CTNNA1: variants seen among roughly 807,000 people sequenced by gnomAD.
CTNNA1 encodes catenin alpha-1.
Under a neutral mutation model 98.4 loss-of-function variants are expected in CTNNA1, and 37 were observed. The observed-to-expected ratio is 0.38, with a 90% confidence interval of 0.29 to 0.49. The LOEUF is 0.49. Ranked by LOEUF, CTNNA1 falls within the 20% of genes least tolerant of loss-of-function variation. The probability of loss-of-function intolerance (pLI) is 0.95; values close to 1 mark genes in which losing one functional copy is unlikely to be tolerated. For synonymous variants in CTNNA1, 404 were observed against 413.2 expected, an observed-to-expected ratio of 0.98 and a Z score of 0.27; for missense variants, 761 against 1,147.2, an observed-to-expected ratio of 0.66 and a Z score of 4.86.
At chr5:138,799,824 G>A (rs1403565710) in intron 3 of CTNNA1, among the ~76,000 whole-genome samples, 2 of 151,874 alleles carry the variant, frequency 1.3e-5, no homozygotes, top group African/African-American at 2.4e-5. Flanking sequence ...TTGTCATTAG[G>A]GCTGTGAGCT....
intron 1 of CTNNA1, 185 bp downstream of exon 1, chr5:138,753,695 G>A (rs939747644): frequency 6.0e-6 from 2 of 331,954 alleles, no homozygotes; most frequent in Non-Finnish European, 5.5e-6. Flanking sequence ...TCGGGCCGGC[G>A]GTCCCTTCCC....
intron 10 of CTNNA1, among the ~76,000 whole-genome samples, chr5:138,905,610 A>G (rs1015657587): frequency 2.9e-4 from 44 of 152,338 alleles, no homozygotes; most frequent in African/African-American, 1.0e-3. Flanking sequence ...TCCATTTATA[A>G]TAGTATATTG....
intron 3 of CTNNA1, among the ~76,000 whole-genome samples, chr5:138,790,754 G>C (rs2149677499): frequency 6.6e-6 from 1 of 152,336 alleles, no homozygotes; most frequent in Non-Finnish European, 1.5e-5. Flanking sequence ...GGTAGGACAA[G>C]ATTATGGTAG....
chr5:138,865,921 C>T (rs2149898133), intron 7 of CTNNA1, among the ~76,000 whole-genome samples: 1 of 152,224 alleles, frequency 6.6e-6, no homozygotes, highest in Middle Eastern at 3.4e-3. Context: ...AGTTGCCCTC[C>T]ATGTATTTGA....
At chr5:138,814,565 T>A (rs983639144) in intron 5 of CTNNA1, among the ~76,000 whole-genome samples, 6 of 152,216 alleles carry the variant, frequency 3.9e-5, no homozygotes, top group African/African-American at 1.2e-4. Flanking sequence ...TGATACAAAT[T>A]CTCTTTTGAA....
At chr5:138,910,226 C>CTTTTTTTTTTTTTTTTTTTT (rs70982740) in intron 10 of CTNNA1, among the ~76,000 whole-genome samples, 3 of 53,228 alleles carry the variant, frequency 5.6e-5, no homozygotes, top group Non-Finnish European at 1.0e-4. Flanking sequence ...TCCTACTTTT[C>CTTTTTTTTTTTTTTTTTTTT]TTTTTTTTTT....
chr5:138,879,172 A>T (rs978379355), intron 7 of CTNNA1, among the ~76,000 whole-genome samples: 183 of 29,388 alleles, frequency 6.2e-3, no homozygotes, highest in African/African-American at 0.02. Context: ...CTCCGTCTTT[A>T]AAAAAAAAAA....
At chr5:138,908,131 C>T (rs1049281390) in intron 10 of CTNNA1, among the ~76,000 whole-genome samples, 6 of 152,124 alleles carry the variant, frequency 3.9e-5, no homozygotes, top group African/African-American at 1.4e-4. Context: ...GTGCCTGCCA[C>T]CACGCCCGGC....
intron 3 of CTNNA1, among the ~76,000 whole-genome samples, chr5:138,793,806 G>T (rs1011005236): frequency 1.3e-5 from 2 of 152,156 alleles, no homozygotes; most frequent in Non-Finnish European, 2.9e-5. Flanking sequence ...AGGAAAATGA[G>T]AACATGAATA....
rs576634681 is a variant in CTNNA1 at position 138,916,200 on chromosome 5, T to C, written c.1390-1542T>C. 4.1e-5 allele frequency among the ~76,000 whole-genome samples: 4 copies of C among 97,640 alleles called. No individual in the cohort carries two copies. In the South Asian group the frequency reaches 1.1e-3, roughly 28 times the overall value. The allele number at this position is 97,640 out of a possible 152,430, so 64.1% of individuals were successfully genotyped here. A position where few individuals can be genotyped will look rare whatever the true frequency, so the allele number is the denominator to read the frequency against. On this transcript the variant is annotated intron_variant, in intron 10 of 17. Coordinates refer to ENST00000302763, the MANE Select transcript of CTNNA1 (RefSeq NM_001903.5). ...TGCAAAAAAAAAAAAAAGAAGGGGCTAAGGAGAGTTAATGGGAAATGGCTG... is the reference window on the plus strand; with the variant it reads ...TGCAAAAAAAAAAAAAAGAAGGGGCCAAGGAGAGTTAATGGGAAATGGCTG...
intron 3 of CTNNA1, among the ~76,000 whole-genome samples, chr5:138,792,558 T>C (rs1001353182): frequency 6.6e-6 from 1 of 152,194 alleles, no homozygotes; most frequent in Admixed American, 6.5e-5. Flanking sequence ...GCTGGGTTCA[T>C]GATGTGAAGA....
intron 13 of CTNNA1, among the ~76,000 whole-genome samples, chr5:138,927,345 C>T (rs1369938959): frequency 6.6e-6 from 1 of 152,226 alleles, no homozygotes; most frequent in Non-Finnish European, 1.5e-5. Context: ...TCCTCTTGTA[C>T]TCATGGGGTT....
chr5:138,780,489 G>A (rs1754952683), intron 1 of CTNNA1, among the ~76,000 whole-genome samples: 1 of 150,506 alleles, frequency 6.6e-6, no homozygotes, highest in Admixed American at 6.6e-5. Flanking sequence ...CACTGCGCCT[G>A]GCCAAGATTT....
chr5:138,781,583 T>G (rs1267439935), intron 1 of CTNNA1, among the ~76,000 whole-genome samples: 1 of 151,462 alleles, frequency 6.6e-6, no homozygotes, highest in African/African-American at 2.4e-5. Flanking sequence ...AAAGTAGCTT[T>G]CATTCACTTT....
At chr5:138,840,864 GTTTA>G (rs1268293263) in intron 7 of CTNNA1, among the ~76,000 whole-genome samples, 2 of 152,046 alleles carry the variant, frequency 1.3e-5, no homozygotes, top group South Asian at 2.1e-4. Context: ...TAGCCATAAT[GTTTA>G]TTTATTTATT....
At chr5:138,828,319 G>A (rs1760928396) in intron 7 of CTNNA1, 1 of 152,062 alleles carries the variant, frequency 6.6e-6, no homozygotes, top group Non-Finnish European at 1.5e-5. Flanking sequence ...TAGTGTTTTT[G>A]AATTTTGAAG....
chr5:138,824,635 C>A lies in CTNNA1; in HGVS notation c.694C>A (p.Pro232Thr). Residue 232 changes from proline to threonine, a missense_variant, in exon 6 of 18, where the codon CCT (proline) becomes ACT (threonine). By Grantham distance (38) the Pro-to-Thr change is conservative. Around this residue, in one of 6 missense-constraint regions of CTNNA1, gnomAD observed 328 missense variants for 354.3 expected, o/e 0.93. Coordinates refer to ENST00000302763, the MANE Select transcript of CTNNA1 (RefSeq NM_001903.5). The part of the protein sequence containing the change: ...YTASQACLQH[P>T]DVAAYKANRD... ...TGCATCCCAGGCATGCCTACAGCAC[C>A]CTGATGTCGCAGCCTATAAGGCCAA... The A allele has an allele frequency of 6.2e-7, 1 of 1,614,184 alleles. No individual in the cohort carries two copies. Among genetic ancestry groups the A allele is most frequent in the Non-Finnish European group, 8.5e-7 (1 of 1,180,038 alleles).
chr5:138,800,203 C>T (rs935636003), intron 3 of CTNNA1, among the ~76,000 whole-genome samples: 1 of 152,124 alleles, frequency 6.6e-6, no homozygotes, highest in Admixed American at 6.5e-5. Flanking sequence ...GCATGAAAAC[C>T]CCTGCACTTT....
chr5:138,796,769 C>G (rs1757025143), intron 3 of CTNNA1, among the ~76,000 whole-genome samples: 1 of 152,102 alleles, frequency 6.6e-6, no homozygotes, highest in African/African-American at 2.4e-5. Context: ...CTCCTGGAAG[C>G]TTTTGTCATT....
Sources: allele counts gnomAD v4.1 joint callset (sites outside exome capture counted in the v4.1 genomes callset), GRCh38; gene constraint gnomAD v4.1.1; regional missense constraint gnomAD v4.1.1; transcripts MANE v1.5; gene names NCBI Gene and HGNC (gene_info 2026-07-23, HGNC 2026-07-21).